Variants in GALR2 observed in about 807,000 individuals in gnomAD.
GALR2 encodes galanin receptor 2.
In GALR2, 5 loss-of-function variants were observed where a neutral mutation model predicts 7.2. That is an observed-to-expected ratio of 0.69 (90% confidence interval 0.36 to 1.45). The LOEUF (loss-of-function observed/expected upper bound fraction) is 1.45, where lower values mean the gene tolerates loss of function less well. Ranked by LOEUF, GALR2 falls within the 40% of genes most tolerant of loss-of-function variation. GALR2 has a pLI of 0.03. For synonymous variants in GALR2, 300 were observed against 263.9 expected (o/e 1.14, Z -1.32); for missense variants, 561 against 555.7 (o/e 1.01, Z -0.10).
chr17:76,073,732 G>GT (rs1379347678), upstream of GALR2, among the ~76,000 whole-genome samples: 18 of 151,658 alleles, frequency 1.2e-4, no homozygotes, highest in Admixed American at 1.2e-3. Flanking sequence ...AGAAGGAAGT[G>GT]TTACCATTTC....
rs1171564569 is a variant in GALR2 at position 76,077,072 on chromosome 17, G to A, written c.805G>A (p.Ala269Thr). 1.9e-6 allele frequency: 3 copies of A among 1,612,922 alleles called. No homozygotes were observed. Among genetic ancestry groups the A allele is most frequent in the African/African-American group, 2.7e-5 (2 of 74,940 alleles). ...GTTCGGCCAGTTCCCGCTCACGCGC[G>A]CCACTTATGCGCTTCGCATCCTCTC... Reference protein sequence around the residue: ...VWFGQFPLTRATYALRILSHL... With the variant: ...VWFGQFPLTRTTYALRILSHL... The change falls in exon 2 of 2, where the codon GCC (alanine) becomes ACC (threonine). Residue 269 changes from alanine to threonine, a missense_variant. Transcript: ENST00000329003.
In GALR2 at chr17:76,076,822, C is replaced by A. The variant is rs1289757135; in HGVS notation, c.555C>A (p.Arg185=). 1 of 1,605,648 alleles carries A rather than the reference C, an allele frequency of 6.2e-7. No individual in the cohort carries two copies. Among genetic ancestry groups the A allele is most frequent in the Non-Finnish European group, 8.5e-7 (1 of 1,179,730 alleles). The change falls in exon 2 of 2, where the codon CGC becomes CGA. Residue 185 remains arginine, a synonymous_variant. Transcript: ENST00000329003. This position sits in a 1 kb window ranked among gnomAD's most constrained non-coding sequence, Gnocchi z 6.5. The stretch of plus-strand genomic sequence containing the variant: ...CCGCGTGGAGCGCCCCTCGCCGCCG[C>A]GCCATGGACATCTGCACCTTCGTCT... ...CHPAWSAPRR[R]AMDICTFVFS...
chr17:76,077,301 T>C lies in GALR2; in HGVS notation c.1034T>C (p.Met345Thr). Reference protein sequence around the residue: ...LERESSDLLHMSEAAGALRPC... With the variant: ...LERESSDLLHTSEAAGALRPC... ...CGCGAGTCCAGCGACCTGTTGCACATGAGCGAGGCGGCGGGGGCCCTTCGT... is the reference window on the plus strand; with the variant it reads ...CGCGAGTCCAGCGACCTGTTGCACACGAGCGAGGCGGCGGGGGCCCTTCGT... The change falls in exon 2 of 2, where the codon ATG becomes ACG. Residue 345 changes from methionine (M) to threonine (T), a missense_variant. By Grantham distance (81) the Met-to-Thr change is moderately conservative. Coordinates refer to ENST00000329003, the MANE Select transcript of GALR2 (RefSeq NM_003857.4). 6.3e-7 allele frequency: 1 copy of C among 1,592,450 alleles called. No individual in the cohort carries two copies. The highest frequency in any genetic ancestry group is 8.5e-7 in the Non-Finnish European group (1 of 1,175,474).
rs778464924 is a variant in GALR2 at position 76,076,706 on chromosome 17, G to A, written c.439G>A (p.Gly147Arg). ...RTPRNALAAI[G>R]LIWGLSLLFS... Reference sequence around the variant, plus strand: ...GCCTCGAAACGCGCTGGCAGCCATCGGGCTCATCTGGGGGCTGTCGCTGCT... The same window carrying A: ...GCCTCGAAACGCGCTGGCAGCCATCAGGCTCATCTGGGGGCTGTCGCTGCT... The change falls in exon 2 of 2, where the codon GGG becomes AGG. Residue 147 changes from glycine to arginine, a missense_variant. By Grantham distance (125) the Gly-to-Arg change is moderately radical (BLOSUM62 -2). Transcript: ENST00000329003. This position sits in a 1 kb window ranked among gnomAD's most constrained non-coding sequence, Gnocchi z 6.5. 3 of 1,603,290 alleles carry A rather than the reference G, an allele frequency of 1.9e-6. No homozygotes were observed. Among genetic ancestry groups the A allele is most frequent in the Non-Finnish European group, 2.5e-6 (3 of 1,179,334 alleles).
At chr17:76,072,417 G>T, upstream of GALR2, 1 of 1,583,696 alleles carries the variant, frequency 6.3e-7, no homozygotes. This position sits in a 1 kb window ranked among gnomAD's most constrained non-coding sequence, Gnocchi z 4.5. Context: ...CGCCGCTACC[G>T]CCGCCGCCAC....
At position 76,074,904 on chromosome 17, in the gene GALR2, A is replaced by T. The variant is rs2066880014; in HGVS notation, c.21A>T (p.Pro7=). 1 of 1,536,400 alleles carries T rather than the reference A, an allele frequency of 6.5e-7. No homozygotes were observed. The highest frequency in any genetic ancestry group is 1.2e-5 in the South Asian group (1 of 84,112). ...GCACCATGAACGTCTCGGGCTGCCC[A>T]GGGGCCGGGAACGCGAGCCAGGCGG... The part of the protein sequence containing the change: MNVSGC[P]GAGNASQAGG... The change falls in exon 1 of 2, where the codon CCA becomes CCT. Residue 7 remains proline, a synonymous_variant. Transcript: ENST00000329003. The surrounding 1 kb of genome is among the most constrained non-coding windows in gnomAD (Gnocchi z 6.7).
chr17:76,076,995 C>G lies in GALR2; in HGVS notation c.728C>G (p.Ala243Gly). The G allele has an allele frequency of 6.2e-7, 1 of 1,609,558 alleles. No individual in the cohort carries two copies. Among genetic ancestry groups the G allele is most frequent in the Non-Finnish European group, 8.5e-7 (1 of 1,179,822 alleles). Reference protein sequence around the residue: ...KVTRMILIVAALFCLCWMPHH... With the variant: ...KVTRMILIVAGLFCLCWMPHH... Reference sequence around the variant, plus strand: ...ACACGCATGATCCTCATCGTGGCCGCGCTCTTCTGCCTCTGCTGGATGCCC... The same window carrying G: ...ACACGCATGATCCTCATCGTGGCCGGGCTCTTCTGCCTCTGCTGGATGCCC... The change falls in exon 2 of 2, where the codon GCG becomes GGG. Residue 243 changes from alanine to glycine, a missense_variant. By Grantham distance (60) the Ala-to-Gly change is moderately conservative. Coordinates refer to ENST00000329003, the MANE Select transcript of GALR2 (RefSeq NM_003857.4). This position sits in a 1 kb window ranked among gnomAD's most constrained non-coding sequence, Gnocchi z 6.5.
Position 76,075,299 on chromosome 17 carries a change from G to T in GALR2, c.368+48G>T, listed in dbSNP as rs199942975. ...CTGGGAGATGGGCATCCACGCGGGGGATGGAGCGGGAGGCGGGACTGGGGA... is the reference window on the plus strand; with the variant it reads ...CTGGGAGATGGGCATCCACGCGGGGTATGGAGCGGGAGGCGGGACTGGGGA... On this transcript the variant is annotated intron_variant, in intron 1 of 1. Coordinates refer to ENST00000329003, the MANE Select transcript of GALR2 (RefSeq NM_003857.4). This position sits in a 1 kb window ranked among gnomAD's most constrained non-coding sequence, Gnocchi z 5.9. The T allele has an allele frequency of 8.0e-4, 1,244 of 1,561,438 alleles. No homozygotes were observed. Among genetic ancestry groups the T allele is most frequent in the Non-Finnish European group, 1.0e-3 (1,179 of 1,158,270 alleles).
chr17:76,072,817 T>A (rs114171897), upstream of GALR2, among the ~76,000 whole-genome samples: 97 of 152,382 alleles, frequency 6.4e-4, no homozygotes, highest in African/African-American at 2.3e-3. This position sits in a 1 kb window ranked among gnomAD's most constrained non-coding sequence, Gnocchi z 4.5. Flanking sequence ...ACTGGGGATC[T>A]GGTTCACGTC....
At chr17:76,072,267 C>T (rs867002310), upstream of GALR2, 7 of 1,605,110 alleles carry the variant, frequency 4.4e-6, no homozygotes, top group Middle Eastern at 5.0e-4. The surrounding 1 kb of genome is among the most constrained non-coding windows in gnomAD (Gnocchi z 4.5). Context: ...TCCAGTTCGA[C>T]ACGTAATCAT....
chr17:76,077,044 G>A lies in GALR2; in HGVS notation c.777G>A (p.Val259=), dbSNP rs201137943. 3.7e-6 allele frequency: 6 copies of A among 1,612,968 alleles called. No homozygotes were observed. Among genetic ancestry groups the A allele is most frequent in the Non-Finnish European group, 5.1e-6 (6 of 1,179,902 alleles). The change falls in exon 2 of 2, where the codon GTG becomes GTA. Residue 259 remains valine (V), a synonymous_variant. Transcript: ENST00000329003. The part of the protein sequence containing the change: ...WMPHHALILC[V]WFGQFPLTRA... ...CCCACCACGCGCTCATCCTCTGCGTGTGGTTCGGCCAGTTCCCGCTCACGC... is the reference window on the plus strand; with the variant it reads ...CCCACCACGCGCTCATCCTCTGCGTATGGTTCGGCCAGTTCCCGCTCACGC...
At chr17:76,072,527 G>A, upstream of GALR2, 3 of 1,561,638 alleles carry the variant, frequency 1.9e-6, no homozygotes, top group Non-Finnish European at 2.6e-6. The surrounding 1 kb of genome is among the most constrained non-coding windows in gnomAD (Gnocchi z 4.5). Flanking sequence ...CGGGATAGGG[G>A]AGGCGGGACG....
In GALR2 at chr17:76,076,924, C is replaced by A. The variant is rs768753307; in HGVS notation, c.657C>A (p.Asp219Glu). 1.5e-5 allele frequency: 24 copies of A among 1,602,036 alleles called. No homozygotes were observed. Among genetic ancestry groups the A allele is most frequent in the African/African-American group, 1.3e-4 (10 of 74,856 alleles). The change falls in exon 2 of 2, where the codon GAC (aspartate) becomes GAA (glutamate). Residue 219 changes from aspartate to glutamate, a missense_variant. By Grantham distance (45) the Asp-to-Glu change is conservative (BLOSUM62 2). Coordinates refer to ENST00000329003, the MANE Select transcript of GALR2 (RefSeq NM_003857.4). The surrounding 1 kb of genome is among the most constrained non-coding windows in gnomAD (Gnocchi z 6.5). ...TGCGCTACCTCTGGCGCGCCGTCGA[C>A]CCGGTGGCCGCGGGCTCGGGTGCCC... Reference protein sequence around the residue: ...RTLRYLWRAVDPVAAGSGARR... With the variant: ...RTLRYLWRAVEPVAAGSGARR...
upstream of GALR2, chr17:76,072,043 T>C (rs2066856705): frequency 1.2e-5 from 7 of 597,278 alleles, no homozygotes; most frequent in South Asian, 1.5e-4. This position sits in a 1 kb window ranked among gnomAD's most constrained non-coding sequence, Gnocchi z 4.5. Flanking sequence ...ACTGGACAAC[T>C]GCGGGGCACC....
At chr17:76,072,722 G>C, upstream of GALR2, 1 of 769,448 alleles carries the variant, frequency 1.3e-6, no homozygotes, top group Non-Finnish European at 2.0e-6. The surrounding 1 kb of genome is among the most constrained non-coding windows in gnomAD (Gnocchi z 4.5). Flanking sequence ...GTGAGACCGT[G>C]GCTGCTGAGA....
chr17:76,072,729 G>A (rs1032631119), upstream of GALR2: 2 of 724,356 alleles, frequency 2.8e-6, no homozygotes, highest in Non-Finnish European at 4.2e-6. This position sits in a 1 kb window ranked among gnomAD's most constrained non-coding sequence, Gnocchi z 4.5. Flanking sequence ...CGTGGCTGCT[G>A]AGATCTCAGG....
rs1269600914 is a variant in GALR2, at chr17:76,074,944, T to C, written c.61T>C (p.Trp21Arg). 1 of 1,570,274 alleles carries C rather than the reference T, an allele frequency of 6.4e-7. No homozygotes were observed. Among genetic ancestry groups the C allele is most frequent in the Non-Finnish European group, 8.6e-7 (1 of 1,165,670 alleles). ...NASQAGGGGG[W>R]HPEAVIVPLL... ...GAGCCAGGCGGGCGGCGGGGGAGGC[T>C]GGCACCCCGAGGCGGTCATCGTGCC... The change falls in exon 1 of 2, where the codon TGG (tryptophan) becomes CGG (arginine). Residue 21 changes from tryptophan to arginine, a missense_variant. By Grantham distance (101) the Trp-to-Arg change is moderately radical. Coordinates refer to ENST00000329003, the MANE Select transcript of GALR2 (RefSeq NM_003857.4). This position sits in a 1 kb window ranked among gnomAD's most constrained non-coding sequence, Gnocchi z 6.7.
chr17:76,076,994 G>A lies in GALR2; in HGVS notation c.727G>A (p.Ala243Thr), dbSNP rs902808127. 1.9e-6 allele frequency: 3 copies of A among 1,609,240 alleles called. No individual in the cohort carries two copies. The Admixed American group carries it at 5.0e-5, about 27-fold the overall frequency. Residue 243 changes from alanine (A) to threonine (T), a missense_variant, in exon 2 of 2, where the codon GCG (alanine) becomes ACG (threonine). Transcript: ENST00000329003. This position sits in a 1 kb window ranked among gnomAD's most constrained non-coding sequence, Gnocchi z 6.5. The stretch of plus-strand genomic sequence containing the variant: ...GACACGCATGATCCTCATCGTGGCC[G>A]CGCTCTTCTGCCTCTGCTGGATGCC... Reference protein sequence around the residue: ...KVTRMILIVAALFCLCWMPHH... With the variant: ...KVTRMILIVATLFCLCWMPHH...
rs1317262558 is a variant in GALR2, at chr17:76,076,623, G to T, written c.369-13G>T. 2 of 1,554,392 alleles carry T rather than the reference G, an allele frequency of 1.3e-6. No individual in the cohort carries two copies. The highest frequency in any genetic ancestry group is 2.3e-5 in the South Asian group (2 of 85,340). ...CCGCTCAGCCGACGTCTCCCTTCCC[G>T]GTCTGACCGCAGGTATCTGGCCATC... On this transcript the variant is annotated splice_polypyrimidine_tract_variant and intron_variant, in intron 1 of 1. Coordinates refer to ENST00000329003, the MANE Select transcript of GALR2 (RefSeq NM_003857.4). This position sits in a 1 kb window ranked among gnomAD's most constrained non-coding sequence, Gnocchi z 6.5.
Sources: allele counts gnomAD v4.1 joint callset (sites outside exome capture counted in the v4.1 genomes callset), GRCh38; gene constraint gnomAD v4.1.1; non-coding constraint Gnocchi (gnomAD v3.1); transcripts MANE v1.5; gene names NCBI Gene and HGNC (gene_info 2026-07-23, HGNC 2026-07-21).